Variants in HTR1D observed in about 807,000 individuals in gnomAD.
The protein encoded by HTR1D is 5-HT-1D.
In HTR1D, 18 loss-of-function variants were observed where a neutral mutation model predicts 21.1. That is an observed-to-expected ratio of 0.85 (90% confidence interval 0.59 to 1.27). HTR1D has a LOEUF of 1.27. Among genes scored for constraint, HTR1D ranks in the 50% most tolerant of loss-of-function variants. HTR1D has a pLI of 0.00. For missense variants in HTR1D, 456 were observed against 481.4 expected (o/e 0.95, Z 0.49); for synonymous variants, 196 against 204.4 (o/e 0.96, Z 0.35).
intron 1 of HTR1D, among the ~76,000 whole-genome samples, chr1:23,196,442 C>CA (rs560936417): frequency 0.16 from 18,967 of 118,312 alleles, 1,576 homozygotes; most frequent in South Asian, 0.34. Context: ...GAAACTCTGC[C>CA]AAAAAAAAAA....
chr1:23,212,977 C>T (rs763577610), intron 1 of HTR1D, among the ~76,000 whole-genome samples: 3 of 152,120 alleles, frequency 2.0e-5, no homozygotes, highest in African/African-American at 4.8e-5. Context: ...CAGGTGCATG[C>T]CACCACATCC....
intron 1 of HTR1D, among the ~76,000 whole-genome samples, chr1:23,204,812 C>T (rs970187853): frequency 6.6e-6 from 1 of 152,188 alleles, no homozygotes; most frequent in African/African-American, 2.4e-5. Context: ...CCAGCCAAAC[C>T]CGGCCTAGAA....
At position 23,194,092 on chromosome 1, in the gene HTR1D, A is replaced by G; in HGVS notation, c.128T>C (p.Val43Ala). ...GGCCAGTGTGATGACGGAAAGGACC[A>G]CGGCAAGGGAGATCTTGAGCGCCTG... The part of the protein sequence containing the change: ...TLQALKISLA[V>A]VLSVITLATV... The change falls in exon 2 of 2, where the codon GTG becomes GCG. Residue 43 changes from valine (V) to alanine (A), a missense_variant. Physicochemically the swap from Val to Ala is moderately conservative, Grantham distance 64. Coordinates refer to ENST00000374619, the MANE Select transcript of HTR1D (RefSeq NM_000864.5). 1 of 1,614,182 alleles carries G rather than the reference A, an allele frequency of 6.2e-7. No individual in the cohort carries two copies. The highest frequency in any genetic ancestry group is 8.5e-7 in the Non-Finnish European group (1 of 1,180,034).
chr1:23,212,118 C>T (rs1005864229), intron 1 of HTR1D, among the ~76,000 whole-genome samples: 4 of 152,320 alleles, frequency 2.6e-5, no homozygotes, highest in Non-Finnish European at 5.9e-5. Flanking sequence ...CACTGCAGTT[C>T]TGTCACTTCC....
In HTR1D at chr1:23,199,727, A is replaced by C. The variant is rs145583362; in HGVS notation, c.-782-4726T>G. On this transcript the variant is annotated intron_variant, in intron 1 of 1. Transcript: ENST00000374619. ...CTTTCTTTCTTTTTCTTGGCGGGGA[A>C]GGAGTCTTCCTCTGTCACCCAGCCT... Among the ~76,000 whole-genome samples, 3 of 151,968 alleles carry C rather than the reference A, an allele frequency of 2.0e-5. No homozygotes were observed. In the East Asian group the frequency reaches 5.8e-4, roughly 30 times the overall value.
chr1:23,213,991 C>T (rs193238408), intron 1 of HTR1D, among the ~76,000 whole-genome samples: 41 of 152,340 alleles, frequency 2.7e-4, no homozygotes, highest in Admixed American at 2.1e-3. Flanking sequence ...TCATTGCCTA[C>T]TGCTGGAAGT....
At chr1:23,203,195 G>A (rs1055099482) in intron 1 of HTR1D, among the ~76,000 whole-genome samples, 5 of 152,098 alleles carry the variant, frequency 3.3e-5, no homozygotes, top group African/African-American at 7.2e-5. Context: ...CACCGCGCCC[G>A]GCCAAATCTG....
chr1:23,210,793 C>T (rs1644750543), intron 1 of HTR1D, among the ~76,000 whole-genome samples: 1 of 152,064 alleles, frequency 6.6e-6, no homozygotes, highest in South Asian at 2.1e-4. Context: ...CAGGGCTGAC[C>T]ATACTTTGCA....
At chr1:23,213,827 G>A (rs1644763431) in intron 1 of HTR1D, among the ~76,000 whole-genome samples, 1 of 152,090 alleles carries the variant, frequency 6.6e-6, no homozygotes, top group African/African-American at 2.4e-5. Context: ...CCAAAGTGGT[G>A]GGATACAGGT....
At chr1:23,204,194 C>T (rs1034673269) in intron 1 of HTR1D, among the ~76,000 whole-genome samples, 2 of 151,670 alleles carry the variant, frequency 1.3e-5, no homozygotes, top group Non-Finnish European at 2.9e-5. Flanking sequence ...GGCACAATCT[C>T]GGCTCACTGC....
chr1:23,203,905 G>A (rs1009950611), intron 1 of HTR1D, among the ~76,000 whole-genome samples: 2 of 152,150 alleles, frequency 1.3e-5, no homozygotes, highest in African/African-American at 2.4e-5. Flanking sequence ...AGCACTTTGG[G>A]AGGCCAAGGC....
intron 1 of HTR1D, among the ~76,000 whole-genome samples, chr1:23,196,815 C>T (rs1326546518): frequency 6.6e-6 from 1 of 152,080 alleles, no homozygotes; most frequent in African/African-American, 2.4e-5. Flanking sequence ...GTCCAGAGCT[C>T]TCAAGAAATT....
At chr1:23,212,516 C>T (rs1644757351) in intron 1 of HTR1D, among the ~76,000 whole-genome samples, 1 of 152,176 alleles carries the variant, frequency 6.6e-6, no homozygotes, top group Non-Finnish European at 1.5e-5. Flanking sequence ...CAGTGCCTCG[C>T]GTTTAGGATT....
chr1:23,205,043 T>C (rs563055977), intron 1 of HTR1D, among the ~76,000 whole-genome samples: 6 of 152,350 alleles, frequency 3.9e-5, no homozygotes, highest in Admixed American at 2.0e-4. Flanking sequence ...ATTTATATGA[T>C]GGAATACTAT....
chr1:23,215,857 C>T (rs925564583), intron 1 of HTR1D, among the ~76,000 whole-genome samples: 3 of 152,102 alleles, frequency 2.0e-5, no homozygotes, highest in Non-Finnish European at 4.4e-5. Flanking sequence ...TGCACTGGGA[C>T]TTACTTGTTC....
chr1:23,196,335 T>A (rs899043374), intron 1 of HTR1D, among the ~76,000 whole-genome samples: 6 of 151,526 alleles, frequency 4.0e-5, no homozygotes, highest in Non-Finnish European at 8.8e-5. Context: ...TCCCAGCTAC[T>A]CGGGAGGCTG....
chr1:23,199,016 C>T lies in HTR1D; in HGVS notation c.-782-4015G>A, dbSNP rs901494458. Reference sequence around the variant, plus strand: ...GATTACAGGTGTGTACCACCATGCCCGGCTAATTTTTGTATTTTTTTTTAG... The same window carrying T: ...GATTACAGGTGTGTACCACCATGCCTGGCTAATTTTTGTATTTTTTTTTAG... On this transcript the variant is annotated intron_variant, in intron 1 of 1. Coordinates refer to ENST00000374619, the MANE Select transcript of HTR1D (RefSeq NM_000864.5). Among the ~76,000 whole-genome samples, 10 of 143,170 alleles carry T rather than the reference C, an allele frequency of 7.0e-5. 1 individual carries two copies. The South Asian group carries it at 1.1e-3, about 16-fold the overall frequency. 93.9% of individuals were successfully genotyped at this position (143,170 alleles called of 152,430 possible). A position where few individuals can be genotyped will look rare whatever the true frequency, so the allele number is the denominator to read the frequency against.
rs1644659888 is a variant in HTR1D at position 23,192,166 on chromosome 1, C to T, written c.*920G>A. On this transcript the variant is annotated 3_prime_UTR_variant, in exon 2 of 2. Coordinates refer to ENST00000374619, the MANE Select transcript of HTR1D (RefSeq NM_000864.5). ...TACAGGGTAGTCAATCTGGTCCCAA[C>T]CATCCTACCCCCGCTACCCCTAACT... 6.6e-6 allele frequency: 1 copy of T among 152,150 alleles called. No individual in the cohort carries two copies. The highest frequency in any genetic ancestry group is 1.9e-4 in the East Asian group (1 of 5,164). The allele number at this position is 152,150 out of a possible 1,614,324, so 9.4% of individuals were successfully genotyped here.
chr1:23,193,242 G>A lies in HTR1D; in HGVS notation c.978C>T (p.Ile326=). The change falls in exon 2 of 2, where the codon ATC becomes ATT. Residue 326 remains isoleucine, a synonymous_variant. Transcript: ENST00000374619. ...GGTGGATCCAGCAGGAGTCCCGGCA[G>A]ATGGGGAGGACCAGAGACACCACGA... The part of the protein sequence containing the change: ...PFFVVSLVLP[I]CRDSCWIHPA... 6.2e-7 allele frequency: 1 copy of A among 1,614,200 alleles called. No individual in the cohort carries two copies. Among genetic ancestry groups the A allele is most frequent in the Non-Finnish European group, 8.5e-7 (1 of 1,180,038 alleles).
Sources: allele counts gnomAD v4.1 joint callset (sites outside exome capture counted in the v4.1 genomes callset), GRCh38; gene constraint gnomAD v4.1.1; transcripts MANE v1.5; gene names NCBI Gene and HGNC (gene_info 2026-07-23, HGNC 2026-07-21).